The following TNFAIP8 variants were observed in gnomAD, a reference collection of about 807,000 sequenced individuals.
The protein encoded by TNFAIP8 is tumor necrosis factor alpha-induced protein 8.
In TNFAIP8, 7 loss-of-function variants were observed where a neutral mutation model predicts 13.3. The ratio of observed to expected loss-of-function variants is 0.52; its 90% CI spans 0.30 to 0.99. TNFAIP8 has a LOEUF of 0.99. Ranked by LOEUF, TNFAIP8 falls within the 50% of genes least tolerant of loss-of-function variation. The pLI is 0.07. For synonymous variants in TNFAIP8, 94 were observed against 87.6 expected (o/e 1.07, Z -0.41); for missense variants, 258 against 236.9 (o/e 1.09, Z -0.58).
intron 1 of TNFAIP8, among the ~76,000 whole-genome samples, chr5:119,374,728 C>T (rs370061873): frequency 2.0e-5 from 3 of 152,274 alleles, no homozygotes; most frequent in South Asian, 2.1e-4. Context: ...CAGGAAATTA[C>T]CCAAGTGCTG....
At chr5:119,302,448 T>G (rs907996652) in intron 1 of TNFAIP8, among the ~76,000 whole-genome samples, 1 of 152,212 alleles carries the variant, frequency 6.6e-6, no homozygotes, top group African/African-American at 2.4e-5. Flanking sequence ...TGTTTTCAGC[T>G]AGTCACTGGG....
At chr5:119,340,204 G>C (rs1336035392) in intron 1 of TNFAIP8, among the ~76,000 whole-genome samples, 1 of 152,222 alleles carries the variant, frequency 6.6e-6, no homozygotes, top group African/African-American at 2.4e-5. Flanking sequence ...GTTGTCCCTA[G>C]CCAGCCAATC....
chr5:119,311,542 T>C (rs1487092209), intron 1 of TNFAIP8, among the ~76,000 whole-genome samples: 1 of 151,406 alleles, frequency 6.6e-6, no homozygotes, highest in Non-Finnish European at 1.5e-5. Flanking sequence ...ATACAAAAAA[T>C]TAACTGGGTG....
chr5:119,297,275 G>A (rs1240568280), intron 1 of TNFAIP8, among the ~76,000 whole-genome samples: 4 of 152,010 alleles, frequency 2.6e-5, no homozygotes, highest in African/African-American at 9.7e-5. Context: ...ACACTGCTTT[G>A]AAAGTGTCCC....
intron 1 of TNFAIP8, among the ~76,000 whole-genome samples, chr5:119,296,191 C>G (rs573720049): frequency 6.6e-6 from 1 of 151,534 alleles, no homozygotes; most frequent in South Asian, 2.1e-4. Context: ...GAGAGGGCAT[C>G]CCTGTCTTGT....
chr5:119,376,655 G>C (rs563979279), intron 1 of TNFAIP8, among the ~76,000 whole-genome samples: 298 of 144,796 alleles, frequency 2.1e-3, no homozygotes, highest in African/African-American at 7.2e-3. Flanking sequence ...TTTATTGCAA[G>C]GAATAAACAA....
chr5:119,308,225 C>G (rs887113493), intron 1 of TNFAIP8, among the ~76,000 whole-genome samples: 2 of 152,172 alleles, frequency 1.3e-5, no homozygotes, highest in African/African-American at 4.8e-5. Context: ...AGCATTCCCT[C>G]TTTCCTGCAG....
intron 1 of TNFAIP8, among the ~76,000 whole-genome samples, chr5:119,300,736 T>C (rs1749362946): frequency 6.6e-6 from 1 of 152,212 alleles, no homozygotes. Flanking sequence ...CTGGCTCTGC[T>C]TGACTCTACA....
chr5:119,285,963 C>A (rs191179056), intron 1 of TNFAIP8, among the ~76,000 whole-genome samples: 12 of 152,078 alleles, frequency 7.9e-5, no homozygotes. Flanking sequence ...TGAGTACATA[C>A]GCTTTTTTTT....
intron 1 of TNFAIP8, among the ~76,000 whole-genome samples, chr5:119,390,664 A>G (rs1052089451): frequency 1.3e-5 from 2 of 152,180 alleles, no homozygotes; most frequent in African/African-American, 4.8e-5. Flanking sequence ...TTCTTATTCA[A>G]TCAAGACATT....
rs1459438622 is a variant in TNFAIP8, at chr5:119,394,110, A to G, written c.*729A>G. 6.6e-6 allele frequency: 1 copy of G among 152,174 alleles called. No homozygotes were observed. The highest frequency in any genetic ancestry group is 6.5e-5 in the Admixed American group (1 of 15,276). 9.4% of individuals were successfully genotyped at this position (152,174 alleles called of 1,614,324 possible). On this transcript the variant is annotated 3_prime_UTR_variant, in exon 2 of 2. Coordinates refer to ENST00000504771, the MANE Select transcript of TNFAIP8 (RefSeq NM_014350.4). ...GAAATGCTTGCTTAGGGCTTCTTTT[A>G]TGTTATCTTAAAAAGTGCTGGTGAA...
chr5:119,274,676 C>A (rs1748385971), intron 1 of TNFAIP8, among the ~76,000 whole-genome samples: 1 of 152,210 alleles, frequency 6.6e-6, no homozygotes, highest in African/African-American at 2.4e-5. Flanking sequence ...AATAGGGAGC[C>A]TCCTGAGGAA....
At chr5:119,282,428 C>G (rs1748660705) in intron 1 of TNFAIP8, among the ~76,000 whole-genome samples, 1 of 152,122 alleles carries the variant, frequency 6.6e-6, no homozygotes, top group Non-Finnish European at 1.5e-5. Context: ...CCTTTGTGCT[C>G]CTTGAAACGG....
chr5:119,289,822 C>T (rs1748927175), intron 1 of TNFAIP8, among the ~76,000 whole-genome samples: 1 of 152,192 alleles, frequency 6.6e-6, no homozygotes, highest in South Asian at 2.1e-4. Context: ...ATATTTTTGG[C>T]AGTATTTTCT....
chr5:119,355,667 C>T, upstream of TNFAIP8: 2 of 387,550 alleles, frequency 5.2e-6, no homozygotes, highest in Non-Finnish European at 9.1e-6. Context: ...ACAGTGTGCT[C>T]TGAGATGAGA....
At chr5:119,311,739 G>A (rs1749739205) in intron 1 of TNFAIP8, among the ~76,000 whole-genome samples, 1 of 150,244 alleles carries the variant, frequency 6.7e-6, no homozygotes, top group Non-Finnish European at 1.5e-5. Context: ...CAATGGAACG[G>A]GCAAATAAGG....
intron 1 of TNFAIP8, among the ~76,000 whole-genome samples, chr5:119,325,273 C>T (rs1750186997): frequency 6.6e-6 from 1 of 152,112 alleles, no homozygotes. Flanking sequence ...GTTCAAAGGG[C>T]CTGTGGAGTT....
intron 1 of TNFAIP8, among the ~76,000 whole-genome samples, chr5:119,290,464 A>G (rs1350315816): frequency 1.3e-5 from 2 of 152,216 alleles, no homozygotes; most frequent in Non-Finnish European, 2.9e-5. Context: ...TCACAGGTTT[A>G]TTGGAGTGTC....
At chr5:119,391,282 T>C (rs997062885) in intron 1 of TNFAIP8, 3 of 667,192 alleles carry the variant, frequency 4.5e-6, no homozygotes, top group African/African-American at 3.6e-5. Flanking sequence ...TATATAATCA[T>C]TGATGCCTTG....
Sources: allele counts gnomAD v4.1 joint callset (sites outside exome capture counted in the v4.1 genomes callset), GRCh38; gene constraint gnomAD v4.1.1; transcripts MANE v1.5; gene names NCBI Gene and HGNC (gene_info 2026-07-23, HGNC 2026-07-21).